The following TENM2 variants were observed in gnomAD, a reference collection of about 807,000 sequenced individuals.
TENM2 encodes the protein teneurin transmembrane protein 2, also known as teneurin-2.
A neutral mutation model predicts 245.2 loss-of-function variants in TENM2; 52 were observed. The observed-to-expected ratio is 0.21, with a 90% CI of 0.17 to 0.27. The LOEUF (loss-of-function observed/expected upper bound fraction) is 0.27, where lower values mean the gene tolerates loss of function less well. TENM2 is among the 10% of genes least tolerant of loss of function. The pLI is 1.00. For synonymous variants in TENM2, 1,363 were observed against 1,438.9 expected (o/e 0.95, Z 1.19); for missense variants, 3,046 against 3,666.8 (o/e 0.83, Z 4.37).
intron 2 of TENM2, among the ~76,000 whole-genome samples, chr5:167,600,077 C>A (rs1229027188): frequency 1.0e-4 from 2 of 20,098 alleles, no homozygotes; most frequent in African/African-American, 2.7e-4. Flanking sequence ...ACCCAGGAGG[C>A]GGAGTTTGCT....
At chr5:167,308,778 G>T (rs576395911) in intron 1 of TENM2, among the ~76,000 whole-genome samples, 6 of 152,314 alleles carry the variant, frequency 3.9e-5, no homozygotes, top group African/African-American at 1.4e-4. Context: ...AAGAAATGAA[G>T]TCTGCCAAGG....
the TENM2 span, among the ~76,000 whole-genome samples, chr5:167,223,213 A>G: frequency 6.6e-6 from 1 of 152,086 alleles, no homozygotes; most frequent in African/African-American, 2.4e-5. Context: ...GCTACTTTGA[A>G]AGATACGATA....
At chr5:167,871,298 T>C (rs1051408272) in intron 2 of TENM2, among the ~76,000 whole-genome samples, 2 of 152,188 alleles carry the variant, frequency 1.3e-5, no homozygotes, top group African/African-American at 4.8e-5. Context: ...TAATTGATTA[T>C]GTCACTGTTT....
intron 7 of TENM2, among the ~76,000 whole-genome samples, chr5:168,068,845 TTGTGTG>T (rs34926603): frequency 9.3e-5 from 14 of 150,558 alleles, no homozygotes; most frequent in East Asian, 3.9e-4. Context: ...CTCTGTGTGT[TTGTGTG>T]TGTGTGTGTG....
chr5:167,073,860 C>G, the TENM2 span, among the ~76,000 whole-genome samples: 44 of 152,294 alleles, frequency 2.9e-4, no homozygotes, highest in Admixed American at 9.2e-4. Context: ...TTAAGCTTTT[C>G]TCATGTTCCC....
the TENM2 span, among the ~76,000 whole-genome samples, chr5:167,215,598 G>C: frequency 6.6e-6 from 1 of 152,150 alleles, no homozygotes; most frequent in South Asian, 2.1e-4. Flanking sequence ...CATTTCCTGG[G>C]ATCTAAAATA....
chr5:167,777,235 G>T (rs746523832), intron 2 of TENM2, among the ~76,000 whole-genome samples: 4 of 152,186 alleles, frequency 2.6e-5, no homozygotes, highest in Non-Finnish European at 5.9e-5. Flanking sequence ...TAGCAAAGGA[G>T]AGAGAAGACA....
the TENM2 span, among the ~76,000 whole-genome samples, chr5:166,987,053 T>C: frequency 6.6e-6 from 1 of 152,202 alleles, no homozygotes; most frequent in African/African-American, 2.4e-5. Context: ...CTCTTCTTCC[T>C]ACAGCAGTGA....
chr5:167,032,103 A>G, the TENM2 span, among the ~76,000 whole-genome samples: 1 of 152,316 alleles, frequency 6.6e-6, no homozygotes, highest in Non-Finnish European at 1.5e-5. Flanking sequence ...ATTAATTTTA[A>G]GTGAATAAGT....
At chr5:167,039,504 G>T in the TENM2 span, among the ~76,000 whole-genome samples, 5 of 152,040 alleles carry the variant, frequency 3.3e-5, no homozygotes, top group African/African-American at 1.2e-4. Flanking sequence ...AGTTCCAGTG[G>T]TAACATATTT....
intron 2 of TENM2, among the ~76,000 whole-genome samples, chr5:167,503,955 T>C (rs1769377176): frequency 6.6e-6 from 1 of 152,180 alleles, no homozygotes; most frequent in Admixed American, 6.6e-5. Flanking sequence ...TGACAACTTC[T>C]TTCCATTAGA....
chr5:167,006,653 C>CTT, the TENM2 span, among the ~76,000 whole-genome samples: 2 of 149,206 alleles, frequency 1.3e-5, no homozygotes, highest in East Asian at 2.0e-4. Flanking sequence ...CATATTCCAT[C>CTT]TTTTTTTTTT....
chr5:167,456,372 C>G (rs1765922316), intron 2 of TENM2, among the ~76,000 whole-genome samples: 1 of 152,154 alleles, frequency 6.6e-6, no homozygotes, highest in Non-Finnish European at 1.5e-5. Context: ...TAGTTGGTAT[C>G]TAATAAGCAC....
intron 2 of TENM2, among the ~76,000 whole-genome samples, chr5:167,766,143 A>G (rs1235987176): frequency 1.3e-5 from 2 of 152,228 alleles, no homozygotes; most frequent in Non-Finnish European, 2.9e-5. Flanking sequence ...GAGGGGAGCC[A>G]CTGGATCAGC....
intron 12 of TENM2, among the ~76,000 whole-genome samples, chr5:168,139,107 T>C (rs989758378): frequency 6.6e-6 from 1 of 152,236 alleles, no homozygotes; most frequent in Admixed American, 6.5e-5. Context: ...GGCCTTTAAC[T>C]TCAAATAGTA....
chr5:167,194,896 G>C, the TENM2 span, among the ~76,000 whole-genome samples: 2 of 151,876 alleles, frequency 1.3e-5, no homozygotes, highest in Non-Finnish European at 2.9e-5. Flanking sequence ...AAATTATACG[G>C]CTATTTACTA....
intron 1 of TENM2, among the ~76,000 whole-genome samples, chr5:167,290,322 C>G (rs1158165550): frequency 6.6e-6 from 1 of 152,142 alleles, no homozygotes; most frequent in Admixed American, 6.5e-5. Context: ...GTCTCATTTT[C>G]TCCATTTGTA....
At chr5:167,314,040 A>G (rs1253450070) in intron 1 of TENM2, among the ~76,000 whole-genome samples, 4 of 152,180 alleles carry the variant, frequency 2.6e-5, no homozygotes, top group Admixed American at 2.0e-4. Context: ...GGTTATGTTT[A>G]TAAATGTTGA....
At chr5:168,050,156 T>C (rs1001578364) in intron 6 of TENM2, among the ~76,000 whole-genome samples, 2 of 152,146 alleles carry the variant, frequency 1.3e-5, no homozygotes, top group Non-Finnish European at 2.9e-5. Context: ...GTCAATAGAA[T>C]ACTCAAGAAA....
Sources: allele counts gnomAD v4.1 joint callset (sites outside exome capture counted in the v4.1 genomes callset), GRCh38; gene constraint gnomAD v4.1.1; transcripts MANE v1.5; gene names NCBI Gene and HGNC (gene_info 2026-07-23, HGNC 2026-07-21).